Variants in FGD4 observed in about 807,000 individuals in gnomAD.
The protein encoded by FGD4 is FYVE, RhoGEF and PH domain containing 4.
In FGD4, 42 loss-of-function variants were observed where a neutral mutation model predicts 102.0. That is an observed-to-expected ratio of 0.41 (90% confidence interval 0.32 to 0.53). FGD4 has a LOEUF of 0.53. Among genes scored for constraint, FGD4 ranks in the 20% least tolerant of loss-of-function variants. The pLI, the probability that FGD4 is intolerant of heterozygous loss-of-function variation, is 0.21. For synonymous variants in FGD4, 380 were observed against 375.7 expected (o/e 1.01, Z -0.13); for missense variants, 902 against 1,078.2 (o/e 0.84, Z 2.29).
At chr12:32,526,844 G>A (rs1428057520) in intron 1 of FGD4, among the ~76,000 whole-genome samples, 1 of 152,166 alleles carries the variant, frequency 6.6e-6, no homozygotes, top group Non-Finnish European at 1.5e-5. Context: ...AACACTCACC[G>A]CAAGGGTCCG....
chr12:32,536,516 T>A (rs980248982), intron 1 of FGD4, among the ~76,000 whole-genome samples: 1 of 152,232 alleles, frequency 6.6e-6, no homozygotes, highest in African/African-American at 2.4e-5. Flanking sequence ...AATAACAAGC[T>A]AATTTTTATT....
chr12:32,585,222 TTATATATATATATATATATATATATA>T (rs140227421), intron 4 of FGD4, among the ~76,000 whole-genome samples: 1 of 116,142 alleles, frequency 8.6e-6, no homozygotes, highest in African/African-American at 3.1e-5. Flanking sequence ...CTCAAAAATT[TTATATATATATATATATATATATATA>T]TATATATATG....
intron 3 of FGD4, among the ~76,000 whole-genome samples, chr12:32,576,771 A>G (rs973191407): frequency 6.6e-6 from 1 of 152,038 alleles, no homozygotes; most frequent in Non-Finnish European, 1.5e-5. Flanking sequence ...CTTGTGGGTC[A>G]TTCTGTGGGA....
At chr12:32,519,519 C>T (rs2136724604) in intron 1 of FGD4, among the ~76,000 whole-genome samples, 1 of 152,242 alleles carries the variant, frequency 6.6e-6, no homozygotes, top group Admixed American at 6.5e-5. Context: ...GCCAGGTGCA[C>T]TGGCTCACAC....
At chr12:32,508,274 G>C (rs1938994979) in intron 1 of FGD4, among the ~76,000 whole-genome samples, 1 of 152,182 alleles carries the variant, frequency 6.6e-6, no homozygotes, top group Non-Finnish European at 1.5e-5. Flanking sequence ...AGTTTTTACT[G>C]TATCCTGTAA....
At chr12:32,597,661 G>A (rs1403570127) in intron 4 of FGD4, among the ~76,000 whole-genome samples, 23 of 152,176 alleles carry the variant, frequency 1.5e-4, no homozygotes, top group Non-Finnish European at 3.2e-4. Context: ...AAATGTTTCT[G>A]TCATCATGAA....
Position 32,542,842 on chromosome 12 carries a change from T to A in FGD4, c.167-21295T>A, listed in dbSNP as rs149331776. Among the ~76,000 whole-genome samples, 188 of 152,340 alleles carry A rather than the reference T, an allele frequency of 1.2e-3. 4 individuals are homozygous for A. In the East Asian group the frequency reaches 0.031, roughly 25 times the overall value. The stretch of plus-strand genomic sequence containing the variant: ...TTGATTTCTCAAGGCTCCTAACTGG[T>A]GACTTTTCATATAAGGGGATGTCTA... On this transcript the variant is annotated intron_variant, in intron 1 of 16. Transcript: ENST00000534526.
chr12:32,640,492 T>G lies in FGD4; in HGVS notation c.2671T>G (p.Leu891Val). The G allele has an allele frequency of 6.2e-7, 1 of 1,614,164 alleles. No individual in the cohort carries two copies. Residue 891 changes from leucine to valine, a missense_variant, in exon 17 of 17, where the codon TTG (leucine) becomes GTG (valine). Leu to Val is a conservative substitution (Grantham distance 32). Around this residue, in one of 2 missense-constraint regions of FGD4, gnomAD observed 459 missense variants for 619.0 expected, o/e 0.74. Transcript: ENST00000534526. ...PGGPNEHPATLDDHPEPKKKS... is the reference protein window; with the variant it reads ...PGGPNEHPATVDDHPEPKKKS... ...TGGTCCAAATGAGCATCCAGCCACC[T>G]TGGATGATCATCCTGAACCTAAGAA... is the stretch of plus-strand genomic sequence containing the variant.
chr12:32,633,762 C>A, intron 15 of FGD4, 73 bp downstream of exon 15: 1 of 1,400,998 alleles, frequency 7.1e-7, no homozygotes, highest in Non-Finnish European at 9.8e-7. Context: ...GTCACCCAGG[C>A]TGAGGTGCAG....
rs1348308740 is a variant in FGD4 at position 32,601,493 on chromosome 12, A to G, written c.1247+70A>G. The G allele has an allele frequency of 4.6e-6, 7 of 1,527,174 alleles. No individual in the cohort carries two copies. In the African/African-American group the frequency reaches 8.3e-5, roughly 18 times the overall value. 94.6% of individuals were successfully genotyped at this position (1,527,174 alleles called of 1,614,324 possible). On this transcript the variant is annotated intron_variant, in intron 6 of 16. Transcript: ENST00000534526. ...TGTATTTTTCAGCTTTTAAATTGAAATAGAAATGCCACACACAACTGTAAC... is the reference window on the plus strand; with the variant it reads ...TGTATTTTTCAGCTTTTAAATTGAAGTAGAAATGCCACACACAACTGTAAC...
intron 4 of FGD4, among the ~76,000 whole-genome samples, chr12:32,585,687 C>G (rs1320538578): frequency 2.0e-5 from 3 of 151,480 alleles, no homozygotes; most frequent in African/African-American, 7.3e-5. Flanking sequence ...TTTAAAAGTT[C>G]GCTGGGTGCG....
At chr12:32,526,532 C>T (rs968246477) in intron 1 of FGD4, among the ~76,000 whole-genome samples, 3 of 152,300 alleles carry the variant, frequency 2.0e-5, no homozygotes, top group African/African-American at 4.8e-5. Context: ...AATCAGCGCC[C>T]TGACGAAACA....
chr12:32,450,503 C>A (rs1942744983), intron 1 of FGD4, among the ~76,000 whole-genome samples: 1 of 152,084 alleles, frequency 6.6e-6, no homozygotes, highest in African/African-American at 2.4e-5. Context: ...TCTTATAATT[C>A]TTTGAGCATG....
intron 1 of FGD4, among the ~76,000 whole-genome samples, chr12:32,468,785 GT>G (rs745426828): frequency 6.6e-6 from 1 of 152,150 alleles, no homozygotes; most frequent in Non-Finnish European, 1.5e-5. Context: ...AGAAAGTGAA[GT>G]TCTCACCCAA....
intron 1 of FGD4, among the ~76,000 whole-genome samples, chr12:32,486,545 A>T (rs1943906405): frequency 6.6e-6 from 1 of 152,096 alleles, no homozygotes; most frequent in Admixed American, 6.5e-5. Flanking sequence ...TCTATTTCTA[A>T]TATTTAAGAT....
Position 32,609,514 on chromosome 12 carries a change from C to G in FGD4, c.1544-1262C>G, listed in dbSNP as rs1487598009. Among the ~76,000 whole-genome samples the G allele has an allele frequency of 2.0e-5, 3 of 152,176 alleles. No homozygotes were observed. The East Asian group carries it at 5.8e-4, about 29-fold the overall frequency. On this transcript the variant is annotated intron_variant, in intron 8 of 16. Transcript: ENST00000534526. The stretch of plus-strand genomic sequence containing the variant: ...ATCAAGTGCACAGCATCGCCCACAT[C>G]AGAATAGTTCTTTAAAATGTAAATT...
At chr12:32,441,630 G>A (rs970396807) in intron 1 of FGD4, among the ~76,000 whole-genome samples, 1 of 151,906 alleles carries the variant, frequency 6.6e-6, no homozygotes, top group Admixed American at 6.6e-5. Context: ...TTAGGGGAGG[G>A]GTAATGCCAG....
intron 1 of FGD4, among the ~76,000 whole-genome samples, chr12:32,471,093 G>A (rs10844210): frequency 0.37 from 56,506 of 152,004 alleles, 11,416 homozygotes; most frequent in South Asian, 0.51. Flanking sequence ...GGAACCCCAG[G>A]TTCTTTGGCC....
At chr12:32,491,025 C>T (rs183849543) in intron 1 of FGD4, among the ~76,000 whole-genome samples, 38 of 150,668 alleles carry the variant, frequency 2.5e-4, no homozygotes, top group African/African-American at 7.8e-4. Context: ...GTGTGGAGAC[C>T]TTTTGCCCTG....
Sources: gnomAD v4.1 joint callset for allele counts (sites outside exome capture counted in the v4.1 genomes callset) on GRCh38, gnomAD v4.1.1 for gene constraint, gnomAD v4.1.1 regional missense constraint, MANE v1.5 for transcripts, NCBI Gene and HGNC (gene_info 2026-07-23, HGNC 2026-07-21) for gene names.